RTN3: variants seen among roughly 807,000 people sequenced by gnomAD.
The protein encoded by RTN3 is reticulon-3.
In RTN3, 49 loss-of-function variants were observed where a neutral mutation model predicts 77.8. That is an observed-to-expected ratio of 0.63 (90% CI 0.50 to 0.80). The LOEUF is 0.80. RTN3 is among the 30% of genes least tolerant of loss of function. The probability of loss-of-function intolerance (pLI) is 0.00; values close to 1 mark genes in which losing one functional copy is unlikely to be tolerated. For missense variants in RTN3, 1,236 were observed against 1,211.9 expected (o/e 1.02, Z -0.29); for synonymous variants, 464 against 446.9 (o/e 1.04, Z -0.48).
At chr11:63,683,780 T>C (rs943906599) in intron 1 of RTN3, among the ~76,000 whole-genome samples, 1 of 152,132 alleles carries the variant, frequency 6.6e-6, no homozygotes, top group Admixed American at 6.6e-5. Flanking sequence ...TTTGCACTTC[T>C]CTTTATAATA....
At chr11:63,708,341 TAAAA>T (rs575021188) in intron 2 of RTN3, among the ~76,000 whole-genome samples, 10 of 149,650 alleles carry the variant, frequency 6.7e-5, no homozygotes, top group African/African-American at 2.4e-4. Flanking sequence ...TAATAGGACT[TAAAA>T]AAAAAATAGA....
intron 2 of RTN3, among the ~76,000 whole-genome samples, chr11:63,716,163 T>C (rs917741957): frequency 6.6e-6 from 1 of 152,242 alleles, no homozygotes; most frequent in African/African-American, 2.4e-5. Context: ...TCAGCTCTTA[T>C]TACATCAAGT....
At chr11:63,726,139 T>A (rs902709565) in intron 3 of RTN3, among the ~76,000 whole-genome samples, 2 of 152,218 alleles carry the variant, frequency 1.3e-5, no homozygotes, top group South Asian at 4.1e-4. Context: ...TCTTTTCTTA[T>A]GGCCAAGTAG....
rs531803641 is a variant in RTN3, at chr11:63,740,776, C to T, written c.2531-9215C>T. 7.9e-5 allele frequency among the ~76,000 whole-genome samples: 12 copies of T among 152,224 alleles called. No individual in the cohort carries two copies. The East Asian group carries it at 2.3e-3, about 29-fold the overall frequency. On this transcript the variant is annotated intron_variant, in intron 3 of 8. Coordinates refer to ENST00000377819, the MANE Select transcript of RTN3 (RefSeq NM_001265589.2). ...AAGAGGAAAGGAAAAAATCTTGTTG[C>T]TCTATAGCTAACTTTAACTTCAATT...
chr11:63,699,648 G>T (rs1226077315), intron 1 of RTN3, among the ~76,000 whole-genome samples: 5 of 152,176 alleles, frequency 3.3e-5, no homozygotes, highest in Non-Finnish European at 7.3e-5. Context: ...AAAGCCATTT[G>T]GAATCTGGCC....
At chr11:63,697,288 T>C (rs964918680) in intron 1 of RTN3, among the ~76,000 whole-genome samples, 6 of 151,666 alleles carry the variant, frequency 4.0e-5, no homozygotes, top group Non-Finnish European at 5.9e-5. Context: ...TTTCAGCAGG[T>C]CCACTTATGC....
intron 3 of RTN3, among the ~76,000 whole-genome samples, chr11:63,742,312 A>C (rs184277606): frequency 4.0e-5 from 6 of 150,874 alleles, no homozygotes; most frequent in African/African-American, 1.5e-4. Flanking sequence ...TTGAATTTGC[A>C]TAGGAATTTT....
intron 1 of RTN3, among the ~76,000 whole-genome samples, chr11:63,682,230 G>A (rs1246091089): frequency 6.6e-6 from 1 of 152,226 alleles, no homozygotes; most frequent in Non-Finnish European, 1.5e-5. Flanking sequence ...GCAGACAGGT[G>A]TTGACATAAT....
chr11:63,754,018 G>A (rs533325048), intron 7 of RTN3, among the ~76,000 whole-genome samples: 1 of 152,334 alleles, frequency 6.6e-6, no homozygotes, highest in Non-Finnish European at 1.5e-5. Flanking sequence ...GGCCAGGGGT[G>A]GTGGCTTGTG....
rs1487594896 is a variant in RTN3 at position 63,720,976 on chromosome 11, G to C, written c.2474G>C (p.Ser825Thr). The change falls in exon 3 of 9, where the codon AGC (serine) becomes ACC (threonine). Residue 825 changes from serine (S) to threonine (T), a missense_variant. Ser to Thr is a moderately conservative substitution (Grantham distance 58). Coordinates refer to ENST00000377819, the MANE Select transcript of RTN3 (RefSeq NM_001265589.2). ...AGGGTAGATGCTGTTTCCAGCCTTA[G>C]CAAGACTGAATTGGTAAAAAAGCAT... ...TTRVDAVSSL[S>T]KTELVKKHVL... 6.2e-7 allele frequency: 1 copy of C among 1,612,806 alleles called. No homozygotes were observed. The highest frequency in any genetic ancestry group is 1.3e-5 in the African/African-American group (1 of 75,012).
At chr11:63,753,936 T>C (rs1489285192) in intron 7 of RTN3, among the ~76,000 whole-genome samples, 1 of 152,224 alleles carries the variant, frequency 6.6e-6, no homozygotes, top group East Asian at 1.9e-4. Context: ...TTTTTATACT[T>C]GTGTGCCTTT....
chr11:63,749,108 C>G (rs989027062), intron 3 of RTN3, among the ~76,000 whole-genome samples: 3 of 152,178 alleles, frequency 2.0e-5, no homozygotes, highest in African/African-American at 7.2e-5. Flanking sequence ...TATTGAGACC[C>G]TGTCTCTACA....
chr11:63,735,830 A>G (rs1328834978), intron 3 of RTN3, among the ~76,000 whole-genome samples: 3 of 152,116 alleles, frequency 2.0e-5, no homozygotes, highest in Non-Finnish European at 1.5e-5. Context: ...GCGCCTCACC[A>G]ATTCTAACAT....
At chr11:63,752,681 A>G in intron 5 of RTN3, 36 bp downstream of exon 5, 1 of 1,604,796 alleles carries the variant, frequency 6.2e-7, no homozygotes, top group African/African-American at 1.3e-5. Flanking sequence ...GGTAAAACAG[A>G]AAAAGCAGGG....
rs143995583 is a variant in RTN3 at position 63,702,359 on chromosome 11, G to T, written c.143-2492G>T. 9.3e-4 allele frequency among the ~76,000 whole-genome samples: 141 copies of T among 151,104 alleles called. 1 individual carries two copies. Among genetic ancestry groups the T allele is most frequent in the African/African-American group, 3.2e-3 (130 of 41,174 alleles). On this transcript the variant is annotated intron_variant, in intron 1 of 8. Coordinates refer to ENST00000377819, the MANE Select transcript of RTN3 (RefSeq NM_001265589.2). Reference sequence around the variant, plus strand: ...AGACAGAGTCTCGCCCTGTCGCCCAGGCTGGAGTGCAATGGCGTGATCTCA... The same window carrying T: ...AGACAGAGTCTCGCCCTGTCGCCCATGCTGGAGTGCAATGGCGTGATCTCA...
intron 2 of RTN3, among the ~76,000 whole-genome samples, chr11:63,707,957 G>A (rs1942578006): frequency 1.3e-5 from 2 of 152,216 alleles, no homozygotes; most frequent in South Asian, 2.1e-4. Context: ...GCCCAGTGGG[G>A]CCCTACGTCA....
At chr11:63,753,520 G>C (rs1470286077) in intron 6 of RTN3, 142 bp from the exon 7 acceptor site, 3 of 725,414 alleles carry the variant, frequency 4.1e-6, no homozygotes, top group Non-Finnish European at 6.9e-6. Flanking sequence ...TCTTAATTGG[G>C]AGTGCTAACC....
intron 1 of RTN3, among the ~76,000 whole-genome samples, chr11:63,703,043 C>G (rs1166824437): frequency 1.3e-5 from 2 of 152,064 alleles, no homozygotes; most frequent in Non-Finnish European, 2.9e-5. Context: ...TACACTTAGC[C>G]TACCTTATCT....
chr11:63,738,459 CTG>C (rs2013271925), intron 3 of RTN3, among the ~76,000 whole-genome samples: 1 of 151,960 alleles, frequency 6.6e-6, no homozygotes, highest in South Asian at 2.1e-4. Flanking sequence ...GGGCATCAAA[CTG>C]AGACCCCCAT....
Sources: allele counts gnomAD v4.1 joint callset (sites outside exome capture counted in the v4.1 genomes callset), GRCh38; gene constraint gnomAD v4.1.1; transcripts MANE v1.5; gene names NCBI Gene and HGNC (gene_info 2026-07-23, HGNC 2026-07-21).